NAALADL2: variants seen among roughly 807,000 people sequenced by gnomAD.
NAALADL2 encodes the protein N-acetylated alpha-linked acidic dipeptidase like 2.
Under a neutral mutation model 87.2 loss-of-function variants are expected in NAALADL2, and 76 were observed. The observed-to-expected ratio is 0.87, with a 90% CI of 0.72 to 1.05. NAALADL2 has a LOEUF of 1.05. NAALADL2 is among the 50% of genes least tolerant of loss of function. The pLI, the probability that NAALADL2 is intolerant of heterozygous loss-of-function variation, is 0.00. For missense variants in NAALADL2, 1,089 were observed against 945.8 expected, an observed-to-expected ratio of 1.15 and a Z score of -1.99; for synonymous variants, 354 against 331.0, an observed-to-expected ratio of 1.07 and a Z score of -0.75.
chr3:175,031,990 G>A (rs901181899), intron 1 of NAALADL2, among the ~76,000 whole-genome samples: 3 of 151,826 alleles, frequency 2.0e-5, no homozygotes, highest in Admixed American at 6.6e-5. Flanking sequence ...ATGTGTTTAA[G>A]CTTCTTATAT....
In NAALADL2 at chr3:174,630,547, G is replaced by A. The variant is rs76291206; in HGVS notation, c.-115+79910G>A. Among the ~76,000 whole-genome samples the A allele has an allele frequency of 6.0e-3, 915 of 152,224 alleles. 15 individuals carry two copies. The highest frequency in any genetic ancestry group is 0.021 in the African/African-American group (867 of 41,548). On this transcript the variant is annotated intron_variant, in intron 2 of 3. Coordinates refer to the NAALADL2 transcript ENST00000434257. Reference sequence around the variant, plus strand: ...TTCAAACATTTGCATCATGGTTCACGGTTACCTTTTCAGGCTGTATCTTTC... The same window carrying A: ...TTCAAACATTTGCATCATGGTTCACAGTTACCTTTTCAGGCTGTATCTTTC...
intron 2 of NAALADL2, among the ~76,000 whole-genome samples, chr3:175,145,565 G>C (rs1021405367): frequency 1.3e-5 from 2 of 151,814 alleles, no homozygotes; most frequent in Admixed American, 1.3e-4. Flanking sequence ...TTATGAATTT[G>C]GGCTTAAAGA....
intron 9 of NAALADL2, among the ~76,000 whole-genome samples, chr3:175,559,623 A>G (rs964313063): frequency 6.6e-6 from 1 of 152,092 alleles, no homozygotes; most frequent in Admixed American, 6.6e-5. Context: ...TTCTATACCA[A>G]GTTTTTTGAC....
intron 10 of NAALADL2, among the ~76,000 whole-genome samples, chr3:175,609,106 T>C (rs1724209158): frequency 6.6e-6 from 1 of 151,874 alleles, no homozygotes; most frequent in Non-Finnish European, 1.5e-5. Flanking sequence ...TGAAATAGAA[T>C]GAAAATAGAC....
At chr3:175,691,663 G>A (rs899745758) in intron 11 of NAALADL2, among the ~76,000 whole-genome samples, 20 of 151,888 alleles carry the variant, frequency 1.3e-4, no homozygotes, top group East Asian at 3.9e-4. Context: ...GATACTCACC[G>A]TTTGACCTAT....
intron 3 of NAALADL2, among the ~76,000 whole-genome samples, chr3:174,787,606 T>TATACATATATATATATATATACAC (rs1553855461): frequency 4.8e-5 from 5 of 104,818 alleles, no homozygotes; most frequent in East Asian, 2.6e-4. Context: ...TATATATATA[T>TATACATATATATATATATATACAC]ATATATATAT....
intron 2 of NAALADL2, among the ~76,000 whole-genome samples, chr3:174,617,957 C>G (rs184618166): frequency 2.6e-5 from 4 of 151,800 alleles, no homozygotes; most frequent in Non-Finnish European, 4.4e-5. Flanking sequence ...ACTAGTTATT[C>G]TCCATCTTCA....
At position 175,096,786 on chromosome 3, in the gene NAALADL2, A is replaced by C. The variant is rs376524084; in HGVS notation, c.44-4A>C. 5.5e-6 allele frequency: 8 copies of C among 1,454,986 alleles called. No homozygotes were observed. In the East Asian group the frequency reaches 2.0e-4, roughly 36 times the overall value. The allele number at this position is 1,454,986 out of a possible 1,614,324, so 90.1% of individuals were successfully genotyped here. A position where few individuals can be genotyped will look rare whatever the true frequency, so the allele number is the denominator to read the frequency against. The stretch of plus-strand genomic sequence containing the variant: ...ATTAAAATATATTTTTCTTATTTTC[A>C]CAGGTAAAAAGATGGCCTATCAGAA... On this transcript the variant is annotated splice_region_variant and splice_polypyrimidine_tract_variant and intron_variant, in intron 1 of 13. Transcript: ENST00000454872.
intron 1 of NAALADL2, among the ~76,000 whole-genome samples, chr3:174,899,051 A>G (rs1211800499): frequency 1.3e-5 from 2 of 152,210 alleles, no homozygotes. Context: ...TTGGCAAGGA[A>G]ACATATTCCT....
chr3:175,762,372 AATG>A (rs1187568823), intron 13 of NAALADL2, among the ~76,000 whole-genome samples: 1 of 152,120 alleles, frequency 6.6e-6, no homozygotes, highest in African/African-American at 2.4e-5. Context: ...ACCAAATAAC[AATG>A]ATATTATAGG....
In NAALADL2 at chr3:174,847,398, T is replaced by A. The variant is rs898140108; in HGVS notation, c.-9+109652T>A. On this transcript the variant is annotated intron_variant, in intron 3 of 3. Coordinates refer to the NAALADL2 transcript ENST00000434257. ...ATGCCTGGTTCTAATGCCATATAAC[T>A]CATAATATCATGTTGCAAACTTTAT... 8.5e-5 allele frequency among the ~76,000 whole-genome samples: 13 copies of A among 152,300 alleles called. No individual in the cohort carries two copies. In the East Asian group the frequency reaches 9.6e-4, roughly 11 times the overall value.
chr3:174,535,300 C>G (rs1023439915), intron 1 of NAALADL2, among the ~76,000 whole-genome samples: 1 of 152,098 alleles, frequency 6.6e-6, no homozygotes, highest in Admixed American at 6.6e-5. Flanking sequence ...CTTTTATGGT[C>G]AACCTGAGTT....
intron 1 of NAALADL2, among the ~76,000 whole-genome samples, chr3:175,088,942 A>C (rs1435212236): frequency 6.6e-6 from 1 of 152,214 alleles, no homozygotes; most frequent in African/African-American, 2.4e-5. Flanking sequence ...ATCTGAAAAC[A>C]GGTCGGCAGC....
At chr3:175,197,529 C>G (rs1739207139) in intron 2 of NAALADL2, among the ~76,000 whole-genome samples, 2 of 151,948 alleles carry the variant, frequency 1.3e-5, no homozygotes, top group Non-Finnish European at 2.9e-5. Flanking sequence ...CATTTCAAAT[C>G]TGTGTTGTTC....
intron 10 of NAALADL2, among the ~76,000 whole-genome samples, chr3:175,611,609 G>A (rs1193928540): frequency 6.6e-6 from 1 of 152,056 alleles, no homozygotes; most frequent in African/African-American, 2.4e-5. Context: ...TAATTTCACT[G>A]TCATTAAATT....
At chr3:174,602,613 TTCTTTG>T (rs1344693712) in intron 2 of NAALADL2, among the ~76,000 whole-genome samples, 5 of 151,874 alleles carry the variant, frequency 3.3e-5, no homozygotes, top group Non-Finnish European at 5.9e-5. Flanking sequence ...TGCCCTTTAT[TTCTTTG>T]TCTTTGTCTT....
intron 1 of NAALADL2, among the ~76,000 whole-genome samples, chr3:174,904,716 A>G (rs550140631): frequency 6.6e-6 from 1 of 152,006 alleles, no homozygotes; most frequent in East Asian, 1.9e-4. Context: ...GTTTATGTTA[A>G]CAGCTGGAGC....
intron 1 of NAALADL2, among the ~76,000 whole-genome samples, chr3:175,026,538 C>G (rs576395653): frequency 6.6e-6 from 1 of 151,114 alleles, no homozygotes; most frequent in Admixed American, 6.6e-5. Context: ...GCCTGTAATC[C>G]CAACTACTTG....
intron 1 of NAALADL2, among the ~76,000 whole-genome samples, chr3:174,923,710 T>C (rs576225681): frequency 6.6e-4 from 101 of 152,346 alleles, no homozygotes; most frequent in African/African-American, 2.2e-3. Context: ...GAACATTATT[T>C]AAAGTGGTGT....
Sources: gnomAD v4.1 joint callset for allele counts (sites outside exome capture counted in the v4.1 genomes callset) on GRCh38, gnomAD v4.1.1 for gene constraint, MANE v1.5 for transcripts, NCBI Gene and HGNC (gene_info 2026-07-23, HGNC 2026-07-21) for gene names.